LIFR: variants seen among roughly 807,000 people sequenced by gnomAD.
The protein encoded by LIFR is LIF receptor subunit alpha.
In LIFR, 84 loss-of-function variants were observed where a neutral mutation model predicts 122.2. That is an observed-to-expected ratio of 0.69 (90% CI 0.58 to 0.82). The LOEUF (loss-of-function observed/expected upper bound fraction) is 0.82, where lower values mean the gene tolerates loss of function less well. LIFR is among the 40% of genes least tolerant of loss of function. LIFR has a pLI of 0.00. For missense variants in LIFR, 1,294 were observed against 1,311.6 expected (o/e 0.99, Z 0.21); for synonymous variants, 422 against 434.7 (o/e 0.97, Z 0.36).
At chr5:38,588,605 C>T (rs12653500) in intron 1 of LIFR, among the ~76,000 whole-genome samples, 48,484 of 151,938 alleles carry the variant, frequency 0.32, 8,167 homozygotes, top group South Asian at 0.41. Context: ...TTTGCTCAGA[C>T]AAATAAGTAA....
intron 5 of LIFR, among the ~76,000 whole-genome samples, chr5:38,520,679 T>C (rs567545191): frequency 1.9e-4 from 29 of 152,326 alleles, no homozygotes; most frequent in Admixed American, 3.9e-4. Context: ...TACCATTTAT[T>C]GAAGATGATA....
At chr5:38,489,343 T>G in intron 15 of LIFR, 98 bp from the exon 16 acceptor site, 1 of 981,830 alleles carries the variant, frequency 1.0e-6, no homozygotes, top group Non-Finnish European at 1.6e-6. Context: ...ATAATTCAAC[T>G]TGGAATTAAA....
At chr5:38,577,703 T>G (rs1749433350) in intron 1 of LIFR, among the ~76,000 whole-genome samples, 1 of 152,258 alleles carries the variant, frequency 6.6e-6, no homozygotes, top group African/African-American at 2.4e-5. Flanking sequence ...ATTAAGTTTC[T>G]GTCACTTGCA....
At chr5:38,525,597 A>G (rs1746638582) in intron 4 of LIFR, among the ~76,000 whole-genome samples, 1 of 152,240 alleles carries the variant, frequency 6.6e-6, no homozygotes, top group Non-Finnish European at 1.5e-5. Context: ...ATGTGGATTT[A>G]CAGTCTAAAC....
rs1745324222 is a variant in LIFR at position 38,504,108 on chromosome 5, A to G, written c.1305T>C (p.Thr435=). 4.4e-6 allele frequency: 7 copies of G among 1,573,172 alleles called. No individual in the cohort carries two copies. The highest frequency in any genetic ancestry group is 6.1e-6 in the Non-Finnish European group (7 of 1,143,272). Residue 435 remains threonine, a synonymous_variant, in exon 10 of 20, where the codon ACT becomes ACC. Transcript: ENST00000453190. ...TATCCTTCACTTTGAATGAAGTAGG[A>G]GTATGGGGATAAACTGCAAATATAA... ...VNITEKVYPH[T]PTSFKVKDIN...
chr5:38,494,158 G>A (rs1263837220), intron 13 of LIFR, among the ~76,000 whole-genome samples: 2 of 152,196 alleles, frequency 1.3e-5, no homozygotes, highest in East Asian at 3.8e-4. Context: ...TGGACAGTCT[G>A]AAGCCCTCCT....
At chr5:38,530,833 T>TA (rs1459728591) in intron 1 of LIFR, 167 bp from the exon 2 acceptor site, 1 of 648,780 alleles carries the variant, frequency 1.5e-6, no homozygotes, top group African/African-American at 1.8e-5. Flanking sequence ...GAGACATCAA[T>TA]AATTGGACAC....
chr5:38,489,977 A>C (rs1449982388), intron 15 of LIFR, among the ~76,000 whole-genome samples: 1 of 137,092 alleles, frequency 7.3e-6, no homozygotes, highest in Non-Finnish European at 1.5e-5. Context: ...CCTGGGTGAC[A>C]GAGTAAGACC....
intron 1 of LIFR, among the ~76,000 whole-genome samples, chr5:38,579,961 G>A (rs1749528446): frequency 1.3e-5 from 2 of 152,204 alleles, no homozygotes; most frequent in Admixed American, 6.5e-5. Flanking sequence ...AGGTAGAAGA[G>A]TGTTCCCAAA....
chr5:38,573,145 A>G (rs1749270287), intron 1 of LIFR, among the ~76,000 whole-genome samples: 1 of 152,232 alleles, frequency 6.6e-6, no homozygotes, highest in Non-Finnish European at 1.5e-5. Flanking sequence ...CCAATTTACT[A>G]ATTTAAAATG....
chr5:38,560,669 T>G (rs889290605), upstream of LIFR, among the ~76,000 whole-genome samples: 4 of 151,950 alleles, frequency 2.6e-5, no homozygotes, highest in Middle Eastern at 3.4e-3. Flanking sequence ...CAATCTCGGC[T>G]CACTGCAACC....
chr5:38,501,981 G>GCT (rs1745205803), intron 11 of LIFR, among the ~76,000 whole-genome samples: 1 of 141,704 alleles, frequency 7.1e-6, no homozygotes, highest in Non-Finnish European at 1.5e-5. Flanking sequence ...TTTAGTAATT[G>GCT]TTTTTTTTTT....
chr5:38,581,412 A>G lies in LIFR; in HGVS notation c.-20+13849T>C, dbSNP rs372061910. On this transcript the variant is annotated intron_variant, in intron 1 of 19. Coordinates refer to the LIFR transcript ENST00000263409. ...CACTCTCAGCCAATCTGAACTTCTC[A>G]CCATTCCGCAACCACTCCATGCCCT... Among the ~76,000 whole-genome samples the G allele has an allele frequency of 1.2e-3, 180 of 152,228 alleles. 4 individuals are homozygous for G. The South Asian group carries it at 0.037, about 31-fold the overall frequency.
At chr5:38,548,843 C>T (rs1046936532) in intron 1 of LIFR, among the ~76,000 whole-genome samples, 1 of 152,084 alleles carries the variant, frequency 6.6e-6, no homozygotes, top group Non-Finnish European at 1.5e-5. Flanking sequence ...GTCAGAATGC[C>T]CTGAAATGCT....
chr5:38,563,251 A>G (rs552585289), intron 1 of LIFR, among the ~76,000 whole-genome samples: 4 of 152,164 alleles, frequency 2.6e-5, no homozygotes, highest in Non-Finnish European at 5.9e-5. Flanking sequence ...GTAGTATCCC[A>G]CTCAAATGTG....
intron 2 of LIFR, among the ~76,000 whole-genome samples, chr5:38,529,738 A>T (rs1222685796): frequency 6.6e-6 from 1 of 152,220 alleles, no homozygotes; most frequent in Non-Finnish European, 1.5e-5. Context: ...ATAAATGTTT[A>T]TGAAAAATGT....
rs1011876276 is a variant in LIFR, at chr5:38,475,571, A to G, written c.*6024T>C. The G allele has an allele frequency of 1.6e-5, 3 of 188,586 alleles. No individual in the cohort carries two copies. The highest frequency in any genetic ancestry group is 8.6e-5 in the East Asian group (1 of 11,562). The allele number at this position is 188,586 out of a possible 1,614,324, so 11.7% of individuals were successfully genotyped here. On this transcript the variant is annotated 3_prime_UTR_variant, in exon 20 of 20. Transcript: ENST00000453190. ...CAAAAATTAGTAAACAGTTACTAGT[A>G]TTTATAAAAAACTTAAAATATTTAA...
chr5:38,584,593 C>T (rs530678455), intron 1 of LIFR, among the ~76,000 whole-genome samples: 17 of 152,030 alleles, frequency 1.1e-4, no homozygotes, highest in African/African-American at 3.1e-4. Context: ...CACTATGCTC[C>T]GTGAGTAAGC....
At chr5:38,496,867 C>A (rs1002092420) in intron 12 of LIFR, among the ~76,000 whole-genome samples, 1 of 152,056 alleles carries the variant, frequency 6.6e-6, no homozygotes, top group African/African-American at 2.4e-5. Flanking sequence ...ATCCCAGCTA[C>A]TTGGGAGGCT....
Sources: gnomAD v4.1 joint callset for allele counts (sites outside exome capture counted in the v4.1 genomes callset) on GRCh38, gnomAD v4.1.1 for gene constraint, MANE v1.5 for transcripts, NCBI Gene and HGNC (gene_info 2026-07-23, HGNC 2026-07-21) for gene names.